Variants in TRAPPC8 observed in about 807,000 individuals in gnomAD.
The protein encoded by TRAPPC8 is general sporulation gene 1 homolog.
In TRAPPC8, 54 loss-of-function variants were observed where a neutral mutation model predicts 174.3. The ratio of observed to expected loss-of-function variants is 0.31; its 90% CI spans 0.25 to 0.39. TRAPPC8 has a LOEUF of 0.39. Ranked by LOEUF, TRAPPC8 falls within the 10% of genes least tolerant of loss-of-function variation. The probability of loss-of-function intolerance (pLI) is 1.00; values close to 1 mark genes in which losing one functional copy is unlikely to be tolerated. For synonymous variants in TRAPPC8, 630 were observed against 579.9 expected, an observed-to-expected ratio of 1.09 and a Z score of -1.24; for missense variants, 1,531 against 1,699.1, an observed-to-expected ratio of 0.90 and a Z score of 1.74.
At chr18:31,894,729 T>G (rs758103918) in intron 11 of TRAPPC8, among the ~76,000 whole-genome samples, 1 of 152,170 alleles carries the variant, frequency 6.6e-6, no homozygotes, top group Non-Finnish European at 1.5e-5. Context: ...CTTTTAAGAT[T>G]TCATCTCTGC....
chr18:31,893,206 T>C (rs1466863626), intron 11 of TRAPPC8, among the ~76,000 whole-genome samples: 2 of 152,150 alleles, frequency 1.3e-5, no homozygotes, highest in Non-Finnish European at 2.9e-5. Context: ...TTAATATTGG[T>C]CCTTTGTGAT....
At position 31,849,603 on chromosome 18, in the gene TRAPPC8, C is replaced by A. The variant is rs1031193981; in HGVS notation, c.3698G>T (p.Cys1233Phe). ...TEDAVRLIQK[C>F]SEVDLNIVIL... ...GACAATATTCAAATCTACCTCACTGCATTTTTGAATCAATCTCACAGCATC... is the reference window on the plus strand; with the variant it reads ...GACAATATTCAAATCTACCTCACTGAATTTTTGAATCAATCTCACAGCATC... The change falls in exon 25 of 29, where the codon TGC becomes TTC. Residue 1233 changes from cysteine to phenylalanine, a missense_variant. Cys to Phe is a radical substitution (Grantham distance 205). Transcript: ENST00000283351. The A allele has an allele frequency of 6.2e-7, 1 of 1,610,888 alleles. No individual in the cohort carries two copies. The highest frequency in any genetic ancestry group is 1.7e-5 in the Admixed American group (1 of 59,356).
intron 2 of TRAPPC8, among the ~76,000 whole-genome samples, chr18:31,919,608 A>C (rs2037301898): frequency 6.7e-6 from 1 of 149,412 alleles, no homozygotes. Context: ...AATAATCCTA[A>C]CACTTTGGGA....
At chr18:31,832,578 T>G (rs573542862) in intron 27 of TRAPPC8, 1 of 152,386 alleles carries the variant, frequency 6.6e-6, no homozygotes, top group African/African-American at 2.4e-5. Context: ...TTTTGAGAAC[T>G]TGGCCTAGAC....
chr18:31,866,751 AT>A, intron 18 of TRAPPC8, 97 bp downstream of exon 18: 1 of 1,416,772 alleles, frequency 7.1e-7, no homozygotes, highest in Non-Finnish European at 9.5e-7. Context: ...TTAACGATAC[AT>A]TAAACCTATT....
chr18:31,883,009 GT>G (rs1301849009), intron 12 of TRAPPC8, among the ~76,000 whole-genome samples: 1 of 143,028 alleles, frequency 7.0e-6, no homozygotes, highest in Admixed American at 7.2e-5. Flanking sequence ...TGGATCACGA[GT>G]TCAGGAGTTC....
intron 2 of TRAPPC8, among the ~76,000 whole-genome samples, chr18:31,923,516 T>G (rs1013587402): frequency 6.6e-6 from 1 of 152,208 alleles, no homozygotes; most frequent in Non-Finnish European, 1.5e-5. Flanking sequence ...ATGAAAAGTA[T>G]GCTGACTCAC....
intron 2 of TRAPPC8, among the ~76,000 whole-genome samples, chr18:31,922,132 T>G (rs1012478919): frequency 2.0e-5 from 3 of 152,194 alleles, no homozygotes; most frequent in African/African-American, 7.2e-5. Flanking sequence ...AGAAGGGACA[T>G]GAATAGAGGA....
chr18:31,867,587 ACTTGGTTT>A, intron 16 of TRAPPC8, 111 bp from the exon 17 acceptor site: 1 of 686,580 alleles, frequency 1.5e-6, no homozygotes, highest in Non-Finnish European at 2.3e-6. Flanking sequence ...GTCTGCATTT[ACTTGGTTT>A]TTACCACATG....
intron 12 of TRAPPC8, among the ~76,000 whole-genome samples, chr18:31,887,879 G>A (rs2035792352): frequency 6.6e-6 from 1 of 152,032 alleles, no homozygotes; most frequent in Non-Finnish European, 1.5e-5. Context: ...GAAATAAAGG[G>A]TATTCAAATA....
intron 5 of TRAPPC8, among the ~76,000 whole-genome samples, chr18:31,912,718 T>C (rs777161944): frequency 2.6e-4 from 39 of 151,952 alleles, no homozygotes; most frequent in Non-Finnish European, 5.1e-4. Flanking sequence ...ATGTAGATAA[T>C]AAAGAATTGA....
Position 31,900,914 on chromosome 18 carries a change from T to TAGTC in TRAPPC8, c.1490+7_1490+10dup, listed in dbSNP as rs1395645367. ...AACTGGATACAATATAAATCTTATA[T>TAGTC]AGTCACCTACTTGCAGATATCTCTG... On this transcript the variant is annotated intron_variant, in intron 10 of 28. Transcript: ENST00000283351. 6.4e-7 allele frequency: 1 copy of TAGTC among 1,565,494 alleles called. No homozygotes were observed. The highest frequency in any genetic ancestry group is 1.4e-5 in the African/African-American group (1 of 72,066).
chr18:31,923,748 T>TTA (rs775184407), intron 2 of TRAPPC8, among the ~76,000 whole-genome samples: 1 of 141,420 alleles, frequency 7.1e-6, no homozygotes, highest in South Asian at 2.2e-4. Context: ...GGAAAGAAGC[T>TTA]AAAAAAAAAA....
At chr18:31,917,521 G>A in intron 3 of TRAPPC8, 57 bp downstream of exon 3, 1 of 1,492,424 alleles carries the variant, frequency 6.7e-7, no homozygotes, top group Non-Finnish European at 9.1e-7. Context: ...AACTATTTCT[G>A]AGATTAATAA....
intron 26 of TRAPPC8, 142 bp from the exon 27 acceptor site, chr18:31,839,599 T>G: frequency 1.5e-6 from 1 of 658,568 alleles, no homozygotes; most frequent in Non-Finnish European, 2.3e-6. Context: ...GTTAAGCTAA[T>G]AGCTGCTATC....
chr18:31,919,678 G>A (rs1355205362), intron 2 of TRAPPC8, among the ~76,000 whole-genome samples: 4 of 151,518 alleles, frequency 2.6e-5, no homozygotes, highest in Non-Finnish European at 5.9e-5. Context: ...GATACATGGC[G>A]AAACCCCATC....
chr18:31,873,316 C>A, intron 14 of TRAPPC8, 114 bp downstream of exon 14: 1 of 878,168 alleles, frequency 1.1e-6, no homozygotes, highest in Non-Finnish European at 1.7e-6. Context: ...TCGTACCCGG[C>A]TGAGCTATTA....
intron 1 of TRAPPC8, among the ~76,000 whole-genome samples, chr18:31,936,053 T>C (rs1055153490): frequency 6.6e-6 from 1 of 151,298 alleles, no homozygotes; most frequent in African/African-American, 2.4e-5. Flanking sequence ...CCCATCTCTA[T>C]AAAAAAATTT....
At chr18:31,864,420 G>A (rs1489101008) in intron 19 of TRAPPC8, among the ~76,000 whole-genome samples, 3 of 151,838 alleles carry the variant, frequency 2.0e-5, no homozygotes, top group African/African-American at 7.3e-5. Context: ...TATTTTGAGG[G>A]TTATATTTTA....
Sources: allele counts gnomAD v4.1 joint callset (sites outside exome capture counted in the v4.1 genomes callset), GRCh38; gene constraint gnomAD v4.1.1; transcripts MANE v1.5; gene names NCBI Gene and HGNC (gene_info 2026-07-23, HGNC 2026-07-21).